Variants in IQCJ observed in about 807,000 individuals in gnomAD.
IQCJ encodes the protein IQ motif containing J.
Under a neutral mutation model 11.0 loss-of-function variants are expected in IQCJ, and 9 were observed. The observed-to-expected ratio is 0.82, with a 90% confidence interval of 0.49 to 1.43. The LOEUF (loss-of-function observed/expected upper bound fraction) is 1.43, where lower values mean the gene tolerates loss of function less well. Among genes scored for constraint, IQCJ ranks in the 40% most tolerant of loss-of-function variants. The pLI, the probability that IQCJ is intolerant of heterozygous loss-of-function variation, is 0.00. For synonymous variants in IQCJ, 55 were observed against 51.3 expected (o/e 1.07, Z -0.31); for missense variants, 146 against 133.2 (o/e 1.10, Z -0.47).
chr3:159,236,289 A>G (rs1446639148), intron 1 of IQCJ, among the ~76,000 whole-genome samples: 7 of 147,174 alleles, frequency 4.8e-5, no homozygotes, highest in Non-Finnish European at 1.1e-4. Flanking sequence ...AAAAAAAACC[A>G]AGGAATTTAG....
chr3:159,110,858 T>C (rs1718581196), intron 1 of IQCJ, among the ~76,000 whole-genome samples: 2 of 152,140 alleles, frequency 1.3e-5, no homozygotes, highest in African/African-American at 4.8e-5. Flanking sequence ...AGATCCATTA[T>C]GCTTAAAAAA....
At chr3:159,225,703 A>AC (rs1725817247) in intron 1 of IQCJ, among the ~76,000 whole-genome samples, 1 of 151,894 alleles carries the variant, frequency 6.6e-6, no homozygotes, top group Non-Finnish European at 1.5e-5. Context: ...CTCTGTGGAC[A>AC]CCAACTCGGT....
intron 1 of IQCJ, among the ~76,000 whole-genome samples, chr3:159,210,335 G>C (rs879001494): frequency 6.6e-6 from 1 of 152,164 alleles, no homozygotes; most frequent in Admixed American, 6.5e-5. Flanking sequence ...CTGCACTACT[G>C]CTGAGTTTTA....
intron 1 of IQCJ, among the ~76,000 whole-genome samples, chr3:159,172,105 T>A (rs1722511602): frequency 6.6e-6 from 1 of 152,180 alleles, no homozygotes; most frequent in South Asian, 2.1e-4. Context: ...GGGGAATCTA[T>A]CTGAAGAAAA....
intron 1 of IQCJ, among the ~76,000 whole-genome samples, chr3:159,229,168 C>G (rs1408185574): frequency 6.6e-6 from 1 of 152,182 alleles, no homozygotes; most frequent in Non-Finnish European, 1.5e-5. Flanking sequence ...CACCCTGGAA[C>G]TTTACATTTT....
intron 1 of IQCJ, among the ~76,000 whole-genome samples, chr3:159,093,592 A>G (rs1029808088): frequency 5.3e-5 from 8 of 151,788 alleles, no homozygotes; most frequent in East Asian, 1.9e-4. Flanking sequence ...ATGAGGAGGT[A>G]GAGGCTGGGA....
downstream of IQCJ, chr3:159,265,561 C>G: frequency 1.8e-6 from 1 of 566,272 alleles, no homozygotes; most frequent in South Asian, 3.2e-5. Context: ...TGAGCTGTGT[C>G]CCTGGGGAGT....
intron 1 of IQCJ, among the ~76,000 whole-genome samples, chr3:159,187,267 C>A (rs1723425906): frequency 6.6e-6 from 1 of 152,180 alleles, no homozygotes; most frequent in South Asian, 2.1e-4. Context: ...GCTTTTTATT[C>A]TTGGCTGAAA....
intron 1 of IQCJ, among the ~76,000 whole-genome samples, chr3:159,179,287 CT>C (rs1722959012): frequency 6.6e-6 from 1 of 152,284 alleles, no homozygotes; most frequent in Non-Finnish European, 1.5e-5. Context: ...TAACAGTTCA[CT>C]TAATAGTTTG....
intron 1 of IQCJ, among the ~76,000 whole-genome samples, chr3:159,149,274 A>T (rs1721077107): frequency 6.6e-6 from 1 of 152,222 alleles, no homozygotes; most frequent in Non-Finnish European, 1.5e-5. Flanking sequence ...ACCAGGCTTT[A>T]ATAAAAGGAA....
At chr3:159,148,556 C>T (rs957062010) in intron 1 of IQCJ, among the ~76,000 whole-genome samples, 16 of 152,136 alleles carry the variant, frequency 1.1e-4, no homozygotes, top group African/African-American at 3.1e-4. Flanking sequence ...CTGATAGCTC[C>T]CACATACTGA....
intron 1 of IQCJ, among the ~76,000 whole-genome samples, chr3:159,136,227 A>G (rs1012458680): frequency 2.6e-5 from 4 of 152,168 alleles, no homozygotes; most frequent in Non-Finnish European, 5.9e-5. Flanking sequence ...GCCCCCTGAG[A>G]AAAAACAATA....
intron 1 of IQCJ, among the ~76,000 whole-genome samples, chr3:159,107,441 A>G (rs917239497): frequency 2.6e-5 from 4 of 152,132 alleles, no homozygotes; most frequent in African/African-American, 7.2e-5. Flanking sequence ...TTTATCAGCT[A>G]TCCAGTTTAT....
intron 1 of IQCJ, among the ~76,000 whole-genome samples, chr3:159,148,700 T>C (rs895141577): frequency 6.6e-6 from 1 of 152,224 alleles, no homozygotes; most frequent in Non-Finnish European, 1.5e-5. Context: ...ATCAAAGTCA[T>C]TCCTTTTGAA....
chr3:159,251,851 G>A (rs1246490370), intron 2 of IQCJ, among the ~76,000 whole-genome samples: 2 of 152,068 alleles, frequency 1.3e-5, no homozygotes, highest in East Asian at 3.9e-4. Context: ...TTTTTCAGCT[G>A]TACAGTGGGG....
chr3:159,251,653 T>G (rs180996385), intron 2 of IQCJ, among the ~76,000 whole-genome samples: 1 of 152,066 alleles, frequency 6.6e-6, no homozygotes, highest in African/African-American at 2.4e-5. Flanking sequence ...CCTTACCACA[T>G]GCACAAGTAC....
intron 1 of IQCJ, among the ~76,000 whole-genome samples, chr3:159,103,567 A>G (rs1287768566): frequency 6.6e-6 from 1 of 152,218 alleles, no homozygotes. Flanking sequence ...CCCAAACTAA[A>G]GCTCACCATT....
intron 1 of IQCJ, among the ~76,000 whole-genome samples, chr3:159,179,300 A>T (rs757381372): frequency 1.3e-5 from 2 of 152,016 alleles, no homozygotes; most frequent in Non-Finnish European, 2.9e-5. Flanking sequence ...AATAGTTTGG[A>T]ACTATTGGTT....
intron 1 of IQCJ, among the ~76,000 whole-genome samples, chr3:159,119,708 T>A (rs1163915247): frequency 2.6e-5 from 4 of 152,206 alleles, no homozygotes; most frequent in African/African-American, 9.6e-5. Context: ...GTGTGATTTT[T>A]AAAAAATAAG....
Sources: allele counts gnomAD v4.1 joint callset (sites outside exome capture counted in the v4.1 genomes callset), GRCh38; gene constraint gnomAD v4.1.1; transcripts MANE v1.5; gene names NCBI Gene and HGNC (gene_info 2026-07-23, HGNC 2026-07-21).